Variants in OTUD7B observed in about 807,000 individuals in gnomAD.
OTUD7B encodes OTU deubiquitinase 7B.
A neutral mutation model predicts 82.2 loss-of-function variants in OTUD7B; 34 were observed. That is an observed-to-expected ratio of 0.41 (90% CI 0.31 to 0.55). The LOEUF (loss-of-function observed/expected upper bound fraction) is 0.55, where lower values mean the gene tolerates loss of function less well. OTUD7B is among the 20% of genes least tolerant of loss of function. The pLI, the probability that OTUD7B is intolerant of heterozygous loss-of-function variation, is 0.20. For synonymous variants in OTUD7B, 398 were observed against 402.7 expected, an observed-to-expected ratio of 0.99 and a Z score of 0.14; for missense variants, 944 against 1,062.1, an observed-to-expected ratio of 0.89 and a Z score of 1.55.
At chr1:149,999,583 G>C (rs781802374) in intron 1 of OTUD7B, among the ~76,000 whole-genome samples, 8 of 152,166 alleles carry the variant, frequency 5.3e-5, no homozygotes, top group African/African-American at 1.9e-4. Context: ...TTTTGTTGGA[G>C]CTAGGCATGG....
the OTUD7B span, among the ~76,000 whole-genome samples, chr1:150,016,485 G>A: frequency 1.4e-4 from 18 of 131,970 alleles, no homozygotes; most frequent in East Asian, 4.2e-4. Context: ...ACAGAGTCTC[G>A]CTTTTGTCGC....
At chr1:149,945,094 T>G (rs1387382552) in intron 11 of OTUD7B, 29 bp from the exon 12 acceptor site, 3 of 1,596,684 alleles carry the variant, frequency 1.9e-6, no homozygotes, top group African/African-American at 2.7e-5. Flanking sequence ...CTGTTGACAG[T>G]TATCCCAGCA....
chr1:149,965,265 G>A lies in OTUD7B; in HGVS notation c.604+512C>T, dbSNP rs144476802. 1.8e-3 allele frequency among the ~76,000 whole-genome samples: 272 copies of A among 152,126 alleles called. 1 individual carries two copies. The highest frequency in any genetic ancestry group is 6.8e-3 in the Middle Eastern group (2 of 294). ...ACCTGTAATCCCAGCTACTTGGGAG[G>A]CTGAGGCAGGAGAATCGCTTGAACC... is the stretch of plus-strand genomic sequence containing the variant. On this transcript the variant is annotated intron_variant, in intron 5 of 11. Transcript: ENST00000581312.
the OTUD7B span, among the ~76,000 whole-genome samples, chr1:150,061,972 A>C: frequency 3.3e-5 from 5 of 152,174 alleles, no homozygotes; most frequent in Non-Finnish European, 7.4e-5. Flanking sequence ...TTCGATGCAG[A>C]GATCTACCTG....
chr1:150,043,997 A>G, the OTUD7B span, among the ~76,000 whole-genome samples: 3 of 152,082 alleles, frequency 2.0e-5, no homozygotes, highest in African/African-American at 7.2e-5. Flanking sequence ...ACGTGCCTGT[A>G]GTCCCAGCTA....
At chr1:149,965,060 T>A (rs1402130040) in intron 5 of OTUD7B, among the ~76,000 whole-genome samples, 5 of 151,026 alleles carry the variant, frequency 3.3e-5, no homozygotes, top group African/African-American at 1.2e-4. Context: ...GCCCAGCTAA[T>A]TTTTTTATTT....
At chr1:149,993,030 A>G (rs1310398335) in intron 1 of OTUD7B, among the ~76,000 whole-genome samples, 2 of 152,102 alleles carry the variant, frequency 1.3e-5, no homozygotes, top group African/African-American at 4.8e-5. Flanking sequence ...ACGTGCCTAT[A>G]ATTCCAGCTA....
At chr1:149,982,418 A>C (rs1280575832) in intron 1 of OTUD7B, among the ~76,000 whole-genome samples, 1 of 152,030 alleles carries the variant, frequency 6.6e-6, no homozygotes, top group East Asian at 1.9e-4. Flanking sequence ...GGTTGTGCCT[A>C]TCTCTCGTAT....
the OTUD7B span, among the ~76,000 whole-genome samples, chr1:150,039,859 G>C: frequency 1.3e-5 from 2 of 152,100 alleles, no homozygotes; most frequent in Non-Finnish European, 2.9e-5. Context: ...CTTATACGGA[G>C]CCATTTTATT....
At chr1:150,058,607 G>A in the OTUD7B span, among the ~76,000 whole-genome samples, 1 of 151,290 alleles carries the variant, frequency 6.6e-6, no homozygotes, top group Non-Finnish European at 1.5e-5. Context: ...CAGATCCATT[G>A]ACTAAAAAAT....
At chr1:150,001,726 G>C (rs1382203406) in intron 1 of OTUD7B, among the ~76,000 whole-genome samples, 1 of 152,058 alleles carries the variant, frequency 6.6e-6, no homozygotes, top group East Asian at 1.9e-4. Context: ...AAAGAATTAA[G>C]ACTTGGCAGC....
chr1:149,946,013 T>A (rs1647694449), intron 11 of OTUD7B, among the ~76,000 whole-genome samples: 2 of 150,240 alleles, frequency 1.3e-5, no homozygotes, highest in African/African-American at 2.5e-5. Context: ...TAAGCTGAGA[T>A]CGCACCATTG....
chr1:149,974,551 C>CATT (rs1559848221), intron 2 of OTUD7B, among the ~76,000 whole-genome samples: 8 of 32,810 alleles, frequency 2.4e-4, no homozygotes, highest in African/African-American at 6.5e-4. Context: ...TCTTAGTTAA[C>CATT]TTTTTTTTTT....
the OTUD7B span, among the ~76,000 whole-genome samples, chr1:150,033,346 T>C: frequency 6.6e-6 from 1 of 152,198 alleles, no homozygotes; most frequent in Admixed American, 6.5e-5. Flanking sequence ...AATATGGCCT[T>C]TTGAGGACAA....
In OTUD7B at chr1:149,977,543, T is replaced by A. The variant is rs1650412090; in HGVS notation, c.-33A>T. 2 of 1,534,556 alleles carry A rather than the reference T, an allele frequency of 1.3e-6. No homozygotes were observed. Among genetic ancestry groups the A allele is most frequent in the Middle Eastern group, 1.7e-4 (1 of 5,866 alleles). On this transcript the variant is annotated 5_prime_UTR_variant, in exon 2 of 12. Transcript: ENST00000581312. ...TCAAGTACTTTCAGCCAGCTGGATG[T>A]AGGTAGAACATAGATCAAAATTCAG...
chr1:149,983,003 T>C lies in OTUD7B; in HGVS notation c.-66-5427A>G, dbSNP rs375695401. On this transcript the variant is annotated intron_variant, in intron 1 of 11. Coordinates refer to ENST00000581312, the MANE Select transcript of OTUD7B (RefSeq NM_020205.4). ...CTGGGAAGCTGGGACTACAGGCGCC[T>C]GCCACCACACCCAGCTAATTTTTTT... 5.8e-4 allele frequency among the ~76,000 whole-genome samples: 88 copies of C among 152,084 alleles called. No homozygotes were observed. In the South Asian group the frequency reaches 0.012, roughly 20 times the overall value.
At chr1:150,058,140 C>T in the OTUD7B span, among the ~76,000 whole-genome samples, 1 of 152,164 alleles carries the variant, frequency 6.6e-6, no homozygotes, top group Admixed American at 6.5e-5. Context: ...GCTCAGCCCC[C>T]AATAATCTTG....
At chr1:149,977,696 T>C (rs1245753645) in intron 1 of OTUD7B, 120 bp from the exon 2 acceptor site, 12 of 546,210 alleles carry the variant, frequency 2.2e-5, no homozygotes, top group Non-Finnish European at 3.3e-5. Flanking sequence ...TTCAGTTGAA[T>C]TTTAAAATAC....
At chr1:150,044,673 A>AAATAATAATAAT in the OTUD7B span, among the ~76,000 whole-genome samples, 468 of 149,054 alleles carry the variant, frequency 3.1e-3, 2 homozygotes, top group African/African-American at 0.011. Flanking sequence ...CTGTCTCAAA[A>AAATAATAATAAT]AATAATAATA....
Sources: allele counts gnomAD v4.1 joint callset (sites outside exome capture counted in the v4.1 genomes callset), GRCh38; gene constraint gnomAD v4.1.1; transcripts MANE v1.5; gene names NCBI Gene and HGNC (gene_info 2026-07-23, HGNC 2026-07-21).